GRID2: variants seen among roughly 807,000 people sequenced by gnomAD.
The protein encoded by GRID2 is glutamate ionotropic receptor delta type subunit 2, also known as glutamate receptor ionotropic, delta-2.
In GRID2, 33 loss-of-function variants were observed where a neutral mutation model predicts 114.8. The observed-to-expected ratio is 0.29, with a 90% CI of 0.22 to 0.38. GRID2 has a LOEUF of 0.38. GRID2 is among the 10% of genes least tolerant of loss of function. The pLI is 1.00. For missense variants in GRID2, 1,184 were observed against 1,257.7 expected, an observed-to-expected ratio of 0.94 and a Z score of 0.89; for synonymous variants, 505 against 449.9, an observed-to-expected ratio of 1.12 and a Z score of -1.55.
chr4:93,326,992 T>C (rs1486673903), intron 8 of GRID2, among the ~76,000 whole-genome samples: 1 of 152,156 alleles, frequency 6.6e-6, no homozygotes, highest in Non-Finnish European at 1.5e-5. Flanking sequence ...TTTTTATATT[T>C]TTTGATATCT....
intron 14 of GRID2, among the ~76,000 whole-genome samples, chr4:93,719,109 T>C (rs1729145056): frequency 6.6e-6 from 1 of 151,866 alleles, no homozygotes; most frequent in Non-Finnish European, 1.5e-5. Flanking sequence ...GACAATTCCA[T>C]TCAGTTATGT....
chr4:92,918,755 G>A (rs1036590845), intron 2 of GRID2, among the ~76,000 whole-genome samples: 1 of 152,182 alleles, frequency 6.6e-6, no homozygotes, highest in African/African-American at 2.4e-5. Context: ...TGGTTTGCCA[G>A]TATTTTATTG....
chr4:92,582,976 G>C (rs1579625720), intron 1 of GRID2, among the ~76,000 whole-genome samples: 2 of 152,056 alleles, frequency 1.3e-5, no homozygotes, highest in South Asian at 2.1e-4. Context: ...GACAGAGAAA[G>C]ACTCTGTCTC....
At chr4:93,627,992 G>A (rs924018715) in intron 14 of GRID2, among the ~76,000 whole-genome samples, 16 of 152,234 alleles carry the variant, frequency 1.1e-4, no homozygotes, top group African/African-American at 3.6e-4. Flanking sequence ...TGGCCAACAT[G>A]GAGAAACCCC....
chr4:92,785,520 A>G (rs1739281143), intron 2 of GRID2, among the ~76,000 whole-genome samples: 1 of 151,738 alleles, frequency 6.6e-6, no homozygotes, highest in Admixed American at 6.6e-5. Context: ...TATTCTAACC[A>G]AAAATACAAT....
At chr4:93,388,769 C>T (rs1322039193) in intron 8 of GRID2, among the ~76,000 whole-genome samples, 2 of 152,054 alleles carry the variant, frequency 1.3e-5, no homozygotes, top group Admixed American at 6.6e-5. Context: ...TAGGAAGGAA[C>T]GAGTTAAATA....
At chr4:93,626,064 T>G (rs1270826425) in intron 13 of GRID2, among the ~76,000 whole-genome samples, 2 of 152,210 alleles carry the variant, frequency 1.3e-5, no homozygotes, top group African/African-American at 4.8e-5. Flanking sequence ...TATGACATTT[T>G]ATATAAGGAC....
intron 1 of GRID2, among the ~76,000 whole-genome samples, chr4:92,533,627 T>G (rs17019443): frequency 0.22 from 33,398 of 152,068 alleles, 3,954 homozygotes; most frequent in South Asian, 0.3. Context: ...TATTTTTTTG[T>G]TGTCAAGTCT....
At chr4:92,693,319 C>T (rs1049436482) in intron 2 of GRID2, among the ~76,000 whole-genome samples, 5 of 152,130 alleles carry the variant, frequency 3.3e-5, no homozygotes, top group South Asian at 2.1e-4. Flanking sequence ...ACTGTTACCC[C>T]GAATCTTAGA....
At chr4:93,538,660 A>G (rs1732348900) in intron 13 of GRID2, among the ~76,000 whole-genome samples, 1 of 151,772 alleles carries the variant, frequency 6.6e-6, no homozygotes, top group Non-Finnish European at 1.5e-5. Flanking sequence ...CTACCATGGT[A>G]TTCTTTCAAA....
intron 2 of GRID2, among the ~76,000 whole-genome samples, chr4:92,629,744 A>G (rs1275811896): frequency 1.3e-5 from 2 of 150,992 alleles, no homozygotes; most frequent in Non-Finnish European, 3.0e-5. Context: ...GATCACTAAC[A>G]TAACTGAAGC....
chr4:93,023,131 A>ATGTG (rs57903930), intron 2 of GRID2, among the ~76,000 whole-genome samples: 7 of 138,934 alleles, frequency 5.0e-5, no homozygotes, highest in African/African-American at 1.3e-4. Context: ...GTGTGTATGT[A>ATGTG]TGTGTGTGTG....
chr4:93,530,064 T>A (rs72889107), intron 13 of GRID2, among the ~76,000 whole-genome samples: 4,171 of 152,264 alleles, frequency 0.027, 209 homozygotes, highest in African/African-American at 0.094. Flanking sequence ...ATAATTGCTT[T>A]AACTATCAAT....
chr4:93,450,711 T>C (rs1722606035), intron 10 of GRID2, among the ~76,000 whole-genome samples: 1 of 151,810 alleles, frequency 6.6e-6, no homozygotes, highest in Non-Finnish European at 1.5e-5. Flanking sequence ...ACTATATAAT[T>C]AAAATAATTT....
chr4:92,507,202 A>T (rs1036561213), intron 1 of GRID2, among the ~76,000 whole-genome samples: 1 of 152,000 alleles, frequency 6.6e-6, no homozygotes, highest in Admixed American at 6.6e-5. Flanking sequence ...ATAGCTTTAC[A>T]TGCAGTATTT....
chr4:92,990,149 AG>A (rs1315142659), intron 2 of GRID2, among the ~76,000 whole-genome samples: 10 of 151,332 alleles, frequency 6.6e-5, no homozygotes, highest in Non-Finnish European at 5.9e-5. Context: ...GTTGGTGTAT[AG>A]CAAAAATACA....
intron 2 of GRID2, among the ~76,000 whole-genome samples, chr4:92,688,729 G>T (rs1734041330): frequency 1.3e-5 from 2 of 152,048 alleles, no homozygotes; most frequent in Non-Finnish European, 2.9e-5. Flanking sequence ...ATGTGGATTG[G>T]AATAAACTTC....
chr4:92,770,888 G>A (rs999098753), intron 2 of GRID2, among the ~76,000 whole-genome samples: 2 of 152,118 alleles, frequency 1.3e-5, no homozygotes, highest in Non-Finnish European at 2.9e-5. Flanking sequence ...TCAATGCGTT[G>A]CACATACAAT....
intron 4 of GRID2, among the ~76,000 whole-genome samples, chr4:93,182,571 C>G (rs1180703973): frequency 6.6e-6 from 1 of 152,142 alleles, no homozygotes; most frequent in Non-Finnish European, 1.5e-5. Flanking sequence ...AAAGATAATG[C>G]TACATTATCA....
Sources: allele counts gnomAD v4.1 joint callset (sites outside exome capture counted in the v4.1 genomes callset), GRCh38; gene constraint gnomAD v4.1.1; transcripts MANE v1.5; gene names NCBI Gene and HGNC (gene_info 2026-07-23, HGNC 2026-07-21).